The following CDH13 variants were observed in gnomAD, a reference collection of about 807,000 sequenced individuals.
CDH13 encodes cadherin-13.
Under a neutral mutation model 63.8 loss-of-function variants are expected in CDH13, and 24 were observed. The ratio of observed to expected loss-of-function variants is 0.38; its 90% CI spans 0.27 to 0.53. CDH13 has a LOEUF of 0.53. Among genes scored for constraint, CDH13 ranks in the 20% least tolerant of loss-of-function variants. The probability of loss-of-function intolerance (pLI) is 0.85; values close to 1 mark genes in which losing one functional copy is unlikely to be tolerated. For missense variants in CDH13, 1,049 were observed against 903.1 expected, an observed-to-expected ratio of 1.16 and a Z score of -2.07; for synonymous variants, 503 against 355.3, an observed-to-expected ratio of 1.42 and a Z score of -4.67.
chr16:83,732,880 A>G (rs1316007390), intron 10 of CDH13, among the ~76,000 whole-genome samples: 1 of 152,096 alleles, frequency 6.6e-6, no homozygotes, highest in Non-Finnish European at 1.5e-5. Context: ...CTTCTGACAC[A>G]TTGACTTTTC....
At chr16:83,309,493 C>T (rs2089953510) in intron 5 of CDH13, among the ~76,000 whole-genome samples, 1 of 152,184 alleles carries the variant, frequency 6.6e-6, no homozygotes, top group Admixed American at 6.5e-5. Context: ...TCTCCTGCCT[C>T]AGCCTCCTGA....
chr16:83,160,916 C>T (rs559390251), intron 4 of CDH13, among the ~76,000 whole-genome samples: 19 of 152,220 alleles, frequency 1.2e-4, no homozygotes, highest in African/African-American at 3.9e-4. Flanking sequence ...CACATTTTTC[C>T]GTTACTGGGA....
At chr16:82,962,906 AAAATT>A (rs1213767065) in intron 2 of CDH13, among the ~76,000 whole-genome samples, 1 of 152,230 alleles carries the variant, frequency 6.6e-6, no homozygotes, top group African/African-American at 2.4e-5. Context: ...TATCTTTAAA[AAAATT>A]AGATTAGGGA....
rs997424239 is a variant in CDH13, at chr16:83,447,639, G to T, written c.782-38838G>T. Among the ~76,000 whole-genome samples the T allele has an allele frequency of 4.6e-5, 7 of 152,130 alleles. No individual in the cohort carries two copies. In the East Asian group the frequency reaches 9.6e-4, roughly 21 times the overall value. On this transcript the variant is annotated intron_variant, in intron 6 of 13. Coordinates refer to ENST00000567109, the MANE Select transcript of CDH13 (RefSeq NM_001257.5). ...GAAGCGTGTGAAAACAGGTCAAGAG[G>T]ATCCTGAAATAAACCAAGTGTGAGA...
intron 1 of CDH13, among the ~76,000 whole-genome samples, chr16:82,853,524 G>C (rs2039575407): frequency 6.6e-6 from 1 of 152,148 alleles, no homozygotes; most frequent in African/African-American, 2.4e-5. Context: ...CATTACTCCT[G>C]CTTTTCAGCT....
At chr16:83,503,045 T>C (rs1449756527) in intron 7 of CDH13, among the ~76,000 whole-genome samples, 1 of 152,160 alleles carries the variant, frequency 6.6e-6, no homozygotes, top group Non-Finnish European at 1.5e-5. Context: ...AATCCAGCCT[T>C]ACAAAGGCTA....
At chr16:82,802,488 G>C (rs2036915081) in intron 1 of CDH13, among the ~76,000 whole-genome samples, 1 of 152,134 alleles carries the variant, frequency 6.6e-6, no homozygotes, top group East Asian at 1.9e-4. Flanking sequence ...CTTTTCTCTG[G>C]TGGTGCTCTA....
At chr16:82,726,699 A>G (rs1038352313) in intron 1 of CDH13, among the ~76,000 whole-genome samples, 3 of 152,256 alleles carry the variant, frequency 2.0e-5, no homozygotes, top group Non-Finnish European at 1.5e-5. Flanking sequence ...ATGTTGGTAG[A>G]GAAAATTTGT....
intron 7 of CDH13, among the ~76,000 whole-genome samples, chr16:83,587,072 G>A (rs1906236973): frequency 6.6e-6 from 1 of 152,152 alleles, no homozygotes; most frequent in African/African-American, 2.4e-5. Context: ...ATTATGGCCA[G>A]CAATAGAACT....
chr16:83,345,892 GGAGAT>G (rs1462606928), intron 6 of CDH13, among the ~76,000 whole-genome samples: 5 of 152,268 alleles, frequency 3.3e-5, no homozygotes, highest in Non-Finnish European at 4.4e-5. Flanking sequence ...AGACCAGACA[GGAGAT>G]GAGAGCGGCT....
intron 5 of CDH13, among the ~76,000 whole-genome samples, chr16:83,328,801 C>T (rs573959037): frequency 1.3e-5 from 2 of 152,204 alleles, no homozygotes; most frequent in East Asian, 1.9e-4. Flanking sequence ...GATGTTGATT[C>T]CTCTCTCACA....
chr16:82,997,055 A>G (rs367743205), intron 2 of CDH13, among the ~76,000 whole-genome samples: 15,228 of 125,588 alleles, frequency 0.12, 839 homozygotes, highest in African/African-American at 0.19. Flanking sequence ...TGATGATGAT[A>G]GTGATGGTGA....
Position 82,644,659 on chromosome 16 carries a change from G to T in CDH13, c.45+17522G>T, listed in dbSNP as rs1156681291. Among the ~76,000 whole-genome samples the T allele has an allele frequency of 1.3e-5, 2 of 152,270 alleles. No individual in the cohort carries two copies. The highest frequency in any genetic ancestry group is 1.9e-4 in the East Asian group (1 of 5,160). ...AAAAGCAACCACGCTTTGGGCTGGGGCAGAAGTCAGGACTTGAACTGGCTC... is the reference window on the plus strand; with the variant it reads ...AAAAGCAACCACGCTTTGGGCTGGGTCAGAAGTCAGGACTTGAACTGGCTC... On this transcript the variant is annotated intron_variant, in intron 1 of 13. Coordinates refer to ENST00000567109, the MANE Select transcript of CDH13 (RefSeq NM_001257.5). This position sits in a 1 kb window ranked among gnomAD's most constrained non-coding sequence, Gnocchi z 5.7.
chr16:83,074,245 C>G (rs2032662349), intron 3 of CDH13, among the ~76,000 whole-genome samples: 1 of 152,200 alleles, frequency 6.6e-6, no homozygotes, highest in Non-Finnish European at 1.5e-5. Flanking sequence ...TGCGATATTT[C>G]TCTTTCTGTG....
intron 3 of CDH13, among the ~76,000 whole-genome samples, chr16:83,050,724 G>C (rs2151504055): frequency 6.6e-6 from 1 of 152,140 alleles, no homozygotes; most frequent in East Asian, 1.9e-4. Context: ...CATTTCACTT[G>C]CCTCTCGGGG....
rs12102653 is a variant in CDH13 at position 82,919,955 on chromosome 16, A to G, written c.157+61482A>G. Among the ~76,000 whole-genome samples, 907 of 152,360 alleles carry G rather than the reference A, an allele frequency of 6.0e-3. 6 individuals are homozygous for G. Among genetic ancestry groups the G allele is most frequent in the African/African-American group, 0.021 (865 of 41,584 alleles). On this transcript the variant is annotated intron_variant, in intron 2 of 13. Transcript: ENST00000567109. ...ACGTTTTGTGAATTTTAAGAGGGCA[A>G]TAGTGAGATTTGTTTGATAGAAAGA...
intron 6 of CDH13, among the ~76,000 whole-genome samples, chr16:83,433,329 C>G (rs2072183767): frequency 6.6e-6 from 1 of 152,158 alleles, no homozygotes; most frequent in Non-Finnish European, 1.5e-5. Context: ...TCTGCCTTCC[C>G]CTTGAGGCTT....
intron 4 of CDH13, among the ~76,000 whole-genome samples, chr16:83,212,680 A>G (rs2039374995): frequency 6.6e-6 from 1 of 152,180 alleles, no homozygotes; most frequent in African/African-American, 2.4e-5. Context: ...GTGATACTCA[A>G]CAGGGATGGT....
At chr16:83,724,880 C>A (rs1390662370) in intron 10 of CDH13, among the ~76,000 whole-genome samples, 3 of 152,124 alleles carry the variant, frequency 2.0e-5, no homozygotes, top group Non-Finnish European at 4.4e-5. Context: ...TATATGGCTT[C>A]CCAGCCTTTC....
Sources: allele counts gnomAD v4.1 joint callset (sites outside exome capture counted in the v4.1 genomes callset), GRCh38; gene constraint gnomAD v4.1.1; non-coding constraint Gnocchi (gnomAD v3.1); transcripts MANE v1.5; gene names NCBI Gene and HGNC (gene_info 2026-07-23, HGNC 2026-07-21).